Variants in TIAM2 observed in about 807,000 individuals in gnomAD.
TIAM2 encodes the protein TIAM Rac1 associated GEF 2.
TIAM2 carries 80 observed loss-of-function variants against 152.9 expected under a neutral mutation model. The observed-to-expected ratio is 0.52, with a 90% CI of 0.44 to 0.63. The LOEUF (loss-of-function observed/expected upper bound fraction) is 0.63, where lower values mean the gene tolerates loss of function less well. Among genes scored for constraint, TIAM2 ranks in the 30% least tolerant of loss-of-function variants. The probability of loss-of-function intolerance (pLI) is 0.00; values close to 1 mark genes in which losing one functional copy is unlikely to be tolerated. For missense variants in TIAM2, 1,965 were observed against 2,120.1 expected (o/e 0.93, Z 1.44); for synonymous variants, 804 against 838.0 (o/e 0.96, Z 0.70).
At chr6:155,011,798 GC>G (rs1458346105) in intron 1 of TIAM2, among the ~76,000 whole-genome samples, 2 of 152,206 alleles carry the variant, frequency 1.3e-5, no homozygotes, top group African/African-American at 4.8e-5. Flanking sequence ...AAATTCTTCT[GC>G]AAACAGACAC....
At position 155,052,660 on chromosome 6, in the gene TIAM2, G is replaced by A. The variant is rs556837538; in HGVS notation, c.-208-37629G>A. 2.0e-5 allele frequency among the ~76,000 whole-genome samples: 3 copies of A among 151,902 alleles called. No individual in the cohort carries two copies. The South Asian group carries it at 6.3e-4, about 32-fold the overall frequency. The stretch of plus-strand genomic sequence containing the variant: ...GCGTGCCTGTAATCCCAGCGACTCG[G>A]GAGGCTAAGGCAGGAGAATCGCTTG... On this transcript the variant is annotated intron_variant, in intron 1 of 26. Transcript: ENST00000682666.
At chr6:155,249,481 C>A (rs1034644905) in intron 20 of TIAM2, among the ~76,000 whole-genome samples, 1 of 152,180 alleles carries the variant, frequency 6.6e-6, no homozygotes, top group Non-Finnish European at 1.5e-5. Flanking sequence ...CTTTTCTCAT[C>A]TGTAAAATGG....
intron 7 of TIAM2, among the ~76,000 whole-genome samples, chr6:155,151,168 A>G (rs763622618): frequency 2.0e-5 from 3 of 152,162 alleles, no homozygotes; most frequent in Non-Finnish European, 4.4e-5. Context: ...TCCCTTTCTG[A>G]GTGGCAGCAT....
intron 6 of TIAM2, 114 bp downstream of exon 6, chr6:155,144,892 G>T: frequency 7.8e-7 from 1 of 1,278,802 alleles, no homozygotes; most frequent in East Asian, 2.6e-5. Context: ...TTAGGCTTTG[G>T]ATTTGGCCTT....
At chr6:155,072,408 G>A (rs1011124450) in intron 1 of TIAM2, among the ~76,000 whole-genome samples, 4 of 152,114 alleles carry the variant, frequency 2.6e-5, no homozygotes, top group Non-Finnish European at 5.9e-5. Context: ...AGTTACTTAG[G>A]AAGTACCTGC....
At chr6:155,193,730 A>C (rs1781265383) in intron 14 of TIAM2, among the ~76,000 whole-genome samples, 1 of 152,204 alleles carries the variant, frequency 6.6e-6, no homozygotes, top group South Asian at 2.1e-4. Context: ...GTGGAGGTTT[A>C]GGAAAATTAC....
At position 155,248,014 on chromosome 6, in the gene TIAM2, G is replaced by A; in HGVS notation, c.3667G>A (p.Ala1223Thr). 6.2e-7 allele frequency: 1 copy of A among 1,614,056 alleles called. No individual in the cohort carries two copies. The highest frequency in any genetic ancestry group is 8.5e-7 in the Non-Finnish European group (1 of 1,179,952). ...KVLERAKTDK[A>T]FKAFLDARNP... ...TCTGCTTGTAGCTAAAACTGACAAA[G>A]CCTTCAAGGCTTTTCTGGACGCCCG... Residue 1223 changes from alanine to threonine, a missense_variant, in exon 20 of 27, where the codon GCC (alanine) becomes ACC (threonine). This residue lies in a region of TIAM2 where 935 missense variants were observed against 980.0 expected (regional missense o/e 0.95). Coordinates refer to ENST00000682666, the MANE Select transcript of TIAM2 (RefSeq NM_012454.4).
At chr6:155,166,951 A>G (rs928116721) in intron 9 of TIAM2, among the ~76,000 whole-genome samples, 3 of 152,224 alleles carry the variant, frequency 2.0e-5, no homozygotes, top group Non-Finnish European at 4.4e-5. Flanking sequence ...ATATCATTGG[A>G]AAGAGAGTCA....
At chr6:155,248,316 T>A in intron 20 of TIAM2, 137 bp downstream of exon 20, 2 of 1,001,954 alleles carry the variant, frequency 2.0e-6, no homozygotes, top group Non-Finnish European at 2.8e-6. Flanking sequence ...CTGCGATGGT[T>A]AATCTTAGGT....
chr6:155,194,576 C>T (rs1327848390), intron 14 of TIAM2, among the ~76,000 whole-genome samples: 1 of 152,196 alleles, frequency 6.6e-6, no homozygotes, highest in African/African-American at 2.4e-5. Flanking sequence ...ACTCTGTCCT[C>T]CTCCTTTACA....
At chr6:155,163,561 G>C (rs1044520735) in intron 7 of TIAM2, among the ~76,000 whole-genome samples, 1 of 152,190 alleles carries the variant, frequency 6.6e-6, no homozygotes, top group Non-Finnish European at 1.5e-5. Flanking sequence ...TAGATGTACA[G>C]ATGGCAGTTA....
chr6:155,041,982 C>T (rs1323398413), intron 1 of TIAM2, among the ~76,000 whole-genome samples: 1 of 152,086 alleles, frequency 6.6e-6, no homozygotes, highest in African/African-American at 2.4e-5. Flanking sequence ...TCAAAGCCAG[C>T]GTTGCAGTTT....
rs775899129 is a variant in TIAM2, at chr6:155,244,054, A to T, written c.3392A>T (p.Asn1131Ile). ...LFELYLEPLQNETFLTQDEME... is the reference protein window; with the variant it reads ...LFELYLEPLQIETFLTQDEME... ...GAATTATACTTGGAGCCACTTCAGA[A>T]TGAGACCTTTCTTACCCAAGATGAG... is the stretch of plus-strand genomic sequence containing the variant. Residue 1131 changes from asparagine to isoleucine, a missense_variant, in exon 17 of 27, where the codon AAT (asparagine) becomes ATT (isoleucine). Coordinates refer to ENST00000682666, the MANE Select transcript of TIAM2 (RefSeq NM_012454.4). The T allele has an allele frequency of 1.9e-6, 3 of 1,614,100 alleles. No homozygotes were observed. Among genetic ancestry groups the T allele is most frequent in the South Asian group, 1.1e-5 (1 of 91,072 alleles).
intron 14 of TIAM2, among the ~76,000 whole-genome samples, chr6:155,193,619 G>A (rs543789398): frequency 1.3e-5 from 2 of 152,036 alleles, no homozygotes; most frequent in South Asian, 2.1e-4. Context: ...AGTTAGTTCC[G>A]CTCCCAACAC....
chr6:155,197,744 C>T (rs968849362), intron 14 of TIAM2, among the ~76,000 whole-genome samples: 1 of 152,026 alleles, frequency 6.6e-6, no homozygotes, highest in African/African-American at 2.4e-5. Flanking sequence ...GGGGAAAGCC[C>T]CTTGTGAAAC....
chr6:155,169,534 C>T (rs1377135573), intron 9 of TIAM2, among the ~76,000 whole-genome samples: 3 of 152,152 alleles, frequency 2.0e-5, no homozygotes, highest in Admixed American at 6.5e-5. Context: ...TACTTACCTT[C>T]GTTTGAGAGT....
At chr6:155,078,907 GT>G (rs1778007318) in intron 1 of TIAM2, among the ~76,000 whole-genome samples, 1 of 152,088 alleles carries the variant, frequency 6.6e-6, no homozygotes, top group East Asian at 1.9e-4. Context: ...TCTTCCTCTA[GT>G]TTGACTTGAT....
At chr6:155,045,212 G>A (rs372172813) in intron 1 of TIAM2, among the ~76,000 whole-genome samples, 23 of 151,832 alleles carry the variant, frequency 1.5e-4, no homozygotes, top group South Asian at 8.3e-4. Flanking sequence ...GATTGCAGGC[G>A]CACACCACCA....
In TIAM2 at chr6:155,214,136, C is replaced by T. The variant is rs371021542; in HGVS notation, c.3168+2829C>T. On this transcript the variant is annotated intron_variant, in intron 15 of 26. Transcript: ENST00000682666. This position sits in a 1 kb window ranked among gnomAD's most constrained non-coding sequence, Gnocchi z 5.4. Reference sequence around the variant, plus strand: ...CAGTCACAGCTGTGCCCGAGGAGCACGAGGCTCCCGCCCTGCCACTTCAGG... The same window carrying T: ...CAGTCACAGCTGTGCCCGAGGAGCATGAGGCTCCCGCCCTGCCACTTCAGG... 1.9e-4 allele frequency among the ~76,000 whole-genome samples: 29 copies of T among 152,338 alleles called. No homozygotes were observed. The highest frequency in any genetic ancestry group is 7.0e-4 in the African/African-American group (29 of 41,592).
Sources: gnomAD v4.1 joint callset for allele counts (sites outside exome capture counted in the v4.1 genomes callset) on GRCh38, gnomAD v4.1.1 for gene constraint, gnomAD v4.1.1 regional missense constraint, Gnocchi (gnomAD v3.1) non-coding constraint, MANE v1.5 for transcripts, NCBI Gene and HGNC (gene_info 2026-07-23, HGNC 2026-07-21) for gene names.